The following BAZ1A variants were observed in gnomAD, a reference collection of about 807,000 sequenced individuals.
BAZ1A encodes bromodomain adjacent to zinc finger domain 1A, also known as bromodomain adjacent to zinc finger domain protein 1A.
BAZ1A carries 50 observed loss-of-function variants against 185.2 expected under a neutral mutation model. The ratio of observed to expected loss-of-function variants is 0.27; its 90% confidence interval spans 0.22 to 0.34. The LOEUF (loss-of-function observed/expected upper bound fraction) is 0.34, where lower values mean the gene tolerates loss of function less well. Among genes scored for constraint, BAZ1A ranks in the 10% least tolerant of loss-of-function variants. The pLI is 1.00. For synonymous variants in BAZ1A, 571 were observed against 615.6 expected (o/e 0.93, Z 1.07); for missense variants, 1,356 against 1,839.9 (o/e 0.74, Z 4.81).
intron 21 of BAZ1A, chr14:34,768,719 CTCTT>C (rs1305867446): frequency 1.9e-5 from 8 of 428,464 alleles, no homozygotes; most frequent in East Asian, 7.1e-5. Context: ...ATCTTCCTCT[CTCTT>C]TTTCTTGTCC....
chr14:34,771,280 T>G, intron 21 of BAZ1A: 1 of 409,610 alleles, frequency 2.4e-6, no homozygotes, highest in Non-Finnish European at 4.3e-6. Flanking sequence ...ATTACAGGCA[T>G]GAGCCACTGT....
intron 4 of BAZ1A, among the ~76,000 whole-genome samples, chr14:34,817,015 T>TA (rs199636842): frequency 3.4e-5 from 5 of 148,902 alleles, no homozygotes; most frequent in African/African-American, 4.9e-5. Context: ...ACATTAAGAG[T>TA]AAAAAAAAAA....
Position 34,827,734 on chromosome 14 carries a change from CAAA to C in BAZ1A, c.393-1581_393-1579del, listed in dbSNP as rs60368383. Among the ~76,000 whole-genome samples, 744 of 133,054 alleles carry C rather than the reference CAAA, an allele frequency of 5.6e-3. 5 individuals are homozygous for C. The highest frequency in any genetic ancestry group is 0.016 in the African/African-American group (559 of 34,696). 87.3% of individuals were successfully genotyped at this position (133,054 alleles called of 152,430 possible). A position where few individuals can be genotyped will look rare whatever the true frequency, so the allele number is the denominator to read the frequency against. ...TTGGCAACAAAGCAAGACTCTGTCT[CAAA>C]AAAAAAAAAAAAAGAAAGTCATATA... On this transcript the variant is annotated intron_variant, in intron 3 of 26. Transcript: ENST00000360310.
In BAZ1A at chr14:34,761,701, A is replaced by G. The variant is rs1003551449; in HGVS notation, c.4243+56T>C. On this transcript the variant is annotated intron_variant, in intron 24 of 26. Transcript: ENST00000360310. ...ATGATCCAAAGTATCTCAACATTCG[A>G]TATTTCCAAATTATTCAATTTTCCT... 8.3e-6 allele frequency: 12 copies of G among 1,439,034 alleles called. No homozygotes were observed. The African/African-American group carries it at 1.0e-4, about 12-fold the overall frequency. 89.1% of individuals were successfully genotyped at this position (1,439,034 alleles called of 1,614,324 possible).
intron 12 of BAZ1A, among the ~76,000 whole-genome samples, chr14:34,787,976 T>C (rs1880590075): frequency 6.6e-6 from 1 of 152,108 alleles, no homozygotes. Flanking sequence ...TGCTAGTGCC[T>C]AGTAATGTGC....
In BAZ1A at chr14:34,874,124, T is replaced by A. The variant is rs2042999610; in HGVS notation, c.113+368A>T. Among the ~76,000 whole-genome samples, 1 of 151,408 alleles carries A rather than the reference T, an allele frequency of 6.6e-6. No homozygotes were observed. The stretch of plus-strand genomic sequence containing the variant: ...GATCCCCTCGGCCGCCGGGAGGGGA[T>A]CCCGGAACTGGCCCCGGAGTGCGCG... On this transcript the variant is annotated intron_variant, in intron 2 of 26. Transcript: ENST00000360310. The surrounding 1 kb of genome is among the most constrained non-coding windows in gnomAD (Gnocchi z 4.7).
In BAZ1A at chr14:34,874,804, C is replaced by T; in HGVS notation, c.-58-142G>A. 1 of 502,990 alleles carries T rather than the reference C, an allele frequency of 2.0e-6. No homozygotes were observed. The highest frequency in any genetic ancestry group is 2.6e-5 in the South Asian group (1 of 38,512). The allele number at this position is 502,990 out of a possible 1,614,324, so 31.2% of individuals were successfully genotyped here. On this transcript the variant is annotated intron_variant, in intron 1 of 26. Coordinates refer to ENST00000360310, the MANE Select transcript of BAZ1A (RefSeq NM_013448.3). The surrounding 1 kb of genome is among the most constrained non-coding windows in gnomAD (Gnocchi z 4.7). ...GCCGCTACCGGAGCCGAGTTCGTTC[C>T]TGCCGCTGCCCGGGTGTCGAGCGAG...
chr14:34,867,619 T>C (rs1476727391), intron 2 of BAZ1A, among the ~76,000 whole-genome samples: 2 of 152,258 alleles, frequency 1.3e-5, no homozygotes, highest in African/African-American at 4.8e-5. Context: ...GTTTGTGCCA[T>C]TTGTTTCCTT....
chr14:34,771,260 A>G (rs2138573959), intron 21 of BAZ1A: 1 of 325,366 alleles, frequency 3.1e-6, no homozygotes. Context: ...CAGCCTCCCA[A>G]AGTGTTGGGA....
At chr14:34,758,161 T>C (rs1448055653) in intron 25 of BAZ1A, among the ~76,000 whole-genome samples, 2 of 150,076 alleles carry the variant, frequency 1.3e-5, no homozygotes, top group Admixed American at 6.6e-5. Context: ...CATGTGCCTG[T>C]AGTACCAACT....
intron 3 of BAZ1A, among the ~76,000 whole-genome samples, chr14:34,837,927 T>C (rs2042354396): frequency 1.3e-5 from 2 of 152,192 alleles, no homozygotes; most frequent in Admixed American, 6.5e-5. Flanking sequence ...TGATCTTTTG[T>C]TTCAACATAG....
chr14:34,794,972 T>C, intron 10 of BAZ1A, 85 bp from the exon 11 acceptor site: 1 of 1,489,958 alleles, frequency 6.7e-7, no homozygotes, highest in South Asian at 1.3e-5. Flanking sequence ...TTTACCTAAC[T>C]ATTAAGAAGT....
chr14:34,851,099 G>A (rs529906887), intron 3 of BAZ1A, among the ~76,000 whole-genome samples: 29 of 152,052 alleles, frequency 1.9e-4, no homozygotes, highest in African/African-American at 6.0e-4. Flanking sequence ...CTGAGAGACC[G>A]ATGCTGGTAG....
At chr14:34,818,860 G>A (rs1358635142) in intron 4 of BAZ1A, among the ~76,000 whole-genome samples, 5 of 151,952 alleles carry the variant, frequency 3.3e-5, no homozygotes, top group Non-Finnish European at 5.9e-5. Flanking sequence ...ATGAATCTTC[G>A]GCCGGGCGCA....
chr14:34,869,042 T>C (rs1014398500), intron 2 of BAZ1A, among the ~76,000 whole-genome samples: 5 of 150,348 alleles, frequency 3.3e-5, no homozygotes, highest in African/African-American at 1.2e-4. Flanking sequence ...TCGTCTCTAC[T>C]AAAAATACAA....
chr14:34,757,840 G>A (rs1178178414), intron 25 of BAZ1A, among the ~76,000 whole-genome samples: 9 of 149,038 alleles, frequency 6.0e-5, no homozygotes, highest in East Asian at 4.1e-4. Flanking sequence ...TCTGCCTCCC[G>A]GGTTCAAGTA....
chr14:34,853,003 A>C (rs1373342413), intron 3 of BAZ1A, among the ~76,000 whole-genome samples: 1 of 152,208 alleles, frequency 6.6e-6, no homozygotes, highest in African/African-American at 2.4e-5. Context: ...AGCATCTAGA[A>C]CAGTGCAAGC....
rs1200614699 is a variant in BAZ1A, at chr14:34,773,701, GA to G, written c.3022del (p.Ser1008GlnfsTer3). The G allele has an allele frequency of 6.2e-7, 1 of 1,613,210 alleles. No individual in the cohort carries two copies. The highest frequency in any genetic ancestry group is 8.5e-7 in the Non-Finnish European group (1 of 1,179,860). ...CTCATACCGTCCACTTTCTAATGCT[GA>G]TCTCCAGATATGTCGATCTGTAACC... ...IKVTDRHIWRSALESGRYELL... is the reference protein window; with the variant it reads ...IKVTDRHIWRXALESGRYELL... On this transcript the variant is annotated frameshift_variant, in exon 20 of 27. Coordinates refer to ENST00000360310, the MANE Select transcript of BAZ1A (RefSeq NM_013448.3). LOFTEE classifies it high-confidence loss of function.
At position 34,780,210 on chromosome 14, in the gene BAZ1A, C is replaced by T; in HGVS notation, c.2212G>A (p.Gly738Arg). Reference sequence around the variant, plus strand: ...CCCCTTCTGCCTCTTTTATGTGATCCTGGGTCATCTTCATCTTCAGTGACC... The same window carrying T: ...CCCCTTCTGCCTCTTTTATGTGATCTTGGGTCATCTTCATCTTCAGTGACC... Reference protein sequence around the residue: ...DMVTEDEDDPGSHKRGRRGKR... With the variant: ...DMVTEDEDDPRSHKRGRRGKR... The change falls in exon 17 of 27, where the codon GGA (glycine) becomes AGA (arginine). Residue 738 changes from glycine to arginine, a missense_variant. Physicochemically the swap from Gly to Arg is moderately radical, Grantham distance 125 (BLOSUM62 -2). Around this residue, in one of 7 missense-constraint regions of BAZ1A, gnomAD observed 434 missense variants for 561.7 expected, o/e 0.77. Transcript: ENST00000360310. The T allele has an allele frequency of 6.2e-7, 1 of 1,613,518 alleles. No homozygotes were observed. The highest frequency in any genetic ancestry group is 8.5e-7 in the Non-Finnish European group (1 of 1,179,760).
Sources: allele counts gnomAD v4.1 joint callset (sites outside exome capture counted in the v4.1 genomes callset), GRCh38; gene constraint gnomAD v4.1.1; regional missense constraint gnomAD v4.1.1; non-coding constraint Gnocchi (gnomAD v3.1); transcripts MANE v1.5; gene names NCBI Gene and HGNC (gene_info 2026-07-23, HGNC 2026-07-21).